Variants in NOS3 observed in about 807,000 individuals in gnomAD.
NOS3 encodes NOS type III.
NOS3 carries 98 observed loss-of-function variants against 144.9 expected under a neutral mutation model. The ratio of observed to expected loss-of-function variants is 0.68; its 90% CI spans 0.57 to 0.80. The LOEUF (loss-of-function observed/expected upper bound fraction) is 0.80. Ranked by LOEUF, NOS3 falls within the 30% of genes least tolerant of loss-of-function variation. The pLI, the probability that NOS3 is intolerant of heterozygous loss-of-function variation, is 0.00. For synonymous variants in NOS3, 714 were observed against 702.4 expected, an observed-to-expected ratio of 1.02 and a Z score of -0.26; for missense variants, 1,465 against 1,656.4, an observed-to-expected ratio of 0.88 and a Z score of 2.01.
chr7:151,005,849 G>A (rs928725010), intron 14 of NOS3, among the ~76,000 whole-genome samples: 6 of 152,172 alleles, frequency 3.9e-5, no homozygotes, highest in African/African-American at 1.2e-4. Context: ...ACAACACAGC[G>A]AGACTCCATC....
intron 21 of NOS3, 51 bp downstream of exon 21, chr7:151,010,338 G>A (rs777972879): frequency 3.5e-5 from 53 of 1,527,472 alleles, no homozygotes; most frequent in Non-Finnish European, 4.5e-5. Flanking sequence ...GGGATGAGCT[G>A]GGGGGACCCC....
Position 151,005,793 on chromosome 7 carries a change from C to A in NOS3, c.1753-634C>A, listed in dbSNP as rs530354445. 1.4e-3 allele frequency among the ~76,000 whole-genome samples: 216 copies of A among 152,322 alleles called. 1 individual carries two copies. The highest frequency in any genetic ancestry group is 2.0e-3 in the Non-Finnish European group (134 of 68,036). On this transcript the variant is annotated intron_variant, in intron 14 of 26. Coordinates refer to ENST00000297494, the MANE Select transcript of NOS3 (RefSeq NM_000603.5). ...AGACTGAGGTCATGTTTTGGAAAGTCCAGGCCGGAGGATCGCTTGAGCCCA... is the reference window on the plus strand; with the variant it reads ...AGACTGAGGTCATGTTTTGGAAAGTACAGGCCGGAGGATCGCTTGAGCCCA...
At chr7:151,012,246 TGAGA>T (rs2117137856) in intron 23 of NOS3, 101 bp from the exon 24 acceptor site, 4 of 983,630 alleles carry the variant, frequency 4.1e-6, no homozygotes, top group East Asian at 2.7e-5. Context: ...AATTTTTTTT[TGAGA>T]TGGGAAGAAC....
At chr7:151,007,839 TG>T (rs933827588) in intron 17 of NOS3, among the ~76,000 whole-genome samples, 1 of 152,090 alleles carries the variant, frequency 6.6e-6, no homozygotes, top group African/African-American at 2.4e-5. Flanking sequence ...GCTGCCTGTC[TG>T]GGGATCATGT....
At chr7:151,007,359 T>C in intron 17 of NOS3, 83 bp downstream of exon 17, 1 of 1,414,722 alleles carries the variant, frequency 7.1e-7, no homozygotes. Context: ...TCTGTTTGGT[T>C]CTTTGGTCCC....
In NOS3 at chr7:150,998,620, G is replaced by A. The variant is rs772502631; in HGVS notation, c.756G>A (p.Ala252=). The A allele has an allele frequency of 3.0e-5, 48 of 1,608,962 alleles. No individual in the cohort carries two copies. The highest frequency in any genetic ancestry group is 1.6e-4 in the Middle Eastern group (1 of 6,078). ...RIWNSQLVRY[A]GYRQQDGSVR... is the part of the protein sequence containing the mutation. Reference sequence around the variant, plus strand: ...GGAACAGCCAGCTGGTGCGCTACGCGGGCTACCGGCAGCAGGATGGCTCTG... The same window carrying A: ...GGAACAGCCAGCTGGTGCGCTACGCAGGCTACCGGCAGCAGGATGGCTCTG... The change falls in exon 7 of 27, where the codon GCG becomes GCA. Residue 252 remains alanine, a synonymous_variant. Transcript: ENST00000297494. The surrounding 1 kb of genome is among the most constrained non-coding windows in gnomAD (Gnocchi z 5.0).
chr7:151,000,025 G>T (rs569983057), intron 9 of NOS3, among the ~76,000 whole-genome samples: 1 of 145,624 alleles, frequency 6.9e-6, no homozygotes, highest in East Asian at 2.1e-4. Flanking sequence ...GAGAGTGTAG[G>T]TATGTGGGTG....
At chr7:150,991,954 CCATTG>C (rs980689500) in intron 1 of NOS3, among the ~76,000 whole-genome samples, 2 of 150,990 alleles carry the variant, frequency 1.3e-5, no homozygotes, top group Non-Finnish European at 2.9e-5. Flanking sequence ...TGAGATAGCA[CCATTG>C]CATTCCAGCC....
chr7:151,013,324 G>T lies in NOS3; in HGVS notation c.3200G>T (p.Arg1067Leu), dbSNP rs759024532. ...GACGAGGTGCAGAACGCCCAGCAGC[G>T]CGGGGTGTTTGGCCGAGTCCTCACC... ...YRDEVQNAQQ[R>L]GVFGRVLTAF... The change falls in exon 25 of 27, where the codon CGC becomes CTC. Residue 1067 changes from arginine to leucine, a missense_variant. Coordinates refer to ENST00000297494, the MANE Select transcript of NOS3 (RefSeq NM_000603.5). 2 of 1,614,032 alleles carry T rather than the reference G, an allele frequency of 1.2e-6. No individual in the cohort carries two copies. The highest frequency in any genetic ancestry group is 1.7e-6 in the Non-Finnish European group (2 of 1,180,020).
chr7:151,007,754 C>T (rs572321236), intron 17 of NOS3, among the ~76,000 whole-genome samples: 1 of 152,260 alleles, frequency 6.6e-6, no homozygotes, highest in Non-Finnish European at 1.5e-5. Flanking sequence ...GGTCCCGGGC[C>T]GGGCAAGCAA....
Position 150,998,230 on chromosome 7 carries a change from TG to T in NOS3, c.583-125del. ...AGGAAGGGATCAGTGTGGCTGCCAA[TG>T]GTCAGGAGGGCGCCATGGAGTGAAC... On this transcript the variant is annotated intron_variant, in intron 5 of 26. Transcript: ENST00000297494. This position sits in a 1 kb window ranked among gnomAD's most constrained non-coding sequence, Gnocchi z 5.0. 1 of 755,212 alleles carries T rather than the reference TG, an allele frequency of 1.3e-6. No individual in the cohort carries two copies. The highest frequency in any genetic ancestry group is 2.2e-6 in the Non-Finnish European group (1 of 460,004). 46.8% of individuals were successfully genotyped at this position (755,212 alleles called of 1,614,324 possible).
intron 15 of NOS3, among the ~76,000 whole-genome samples, 158 bp from the exon 16 acceptor site, chr7:151,006,731 C>T (rs1015268396): frequency 6.6e-6 from 1 of 152,216 alleles, no homozygotes; most frequent in Non-Finnish European, 1.5e-5. Context: ...GGGCCCCAGG[C>T]TCGGAACCCC....
intron 15 of NOS3, 111 bp from the exon 16 acceptor site, chr7:151,006,778 C>A: frequency 1.1e-6 from 1 of 892,400 alleles, no homozygotes. Context: ...AAGGGCAGGG[C>A]CTTTCCTGTC....
intron 3 of NOS3, among the ~76,000 whole-genome samples, chr7:150,995,553 C>A (rs1348355112): frequency 7.9e-6 from 1 of 127,054 alleles, no homozygotes; most frequent in Admixed American, 7.7e-5. Context: ...CACCCCTGCA[C>A]CCCTTTCCCC....
At chr7:150,992,732 C>G (rs751853767) in intron 1 of NOS3, among the ~76,000 whole-genome samples, 9 of 152,226 alleles carry the variant, frequency 5.9e-5, no homozygotes, top group Admixed American at 1.3e-4. Flanking sequence ...CTGCCTCTCC[C>G]AGTCTCTCAG....
intron 5 of NOS3, among the ~76,000 whole-genome samples, chr7:150,997,638 A>C (rs755752761): frequency 1.3e-5 from 2 of 152,206 alleles, no homozygotes; most frequent in African/African-American, 4.8e-5. Context: ...AAATAAAGCC[A>C]CGTGCCCAGT....
At position 151,003,537 on chromosome 7, in the gene NOS3, CT is replaced by C. The variant is rs989598709; in HGVS notation, c.1752+1241del. On this transcript the variant is annotated intron_variant, in intron 14 of 26. Transcript: ENST00000297494. This position sits in a 1 kb window ranked among gnomAD's most constrained non-coding sequence, Gnocchi z 4.1. The stretch of plus-strand genomic sequence containing the variant: ...CAAGAAAAATAGCACCAGCAATTGA[CT>C]TTTTTTTAGCATAAAGGTGTATAGA... The C allele has an allele frequency of 5.4e-5, 69 of 1,267,326 alleles. No individual in the cohort carries two copies. The highest frequency in any genetic ancestry group is 1.4e-4 in the South Asian group (11 of 76,052). 78.5% of individuals were successfully genotyped at this position (1,267,326 alleles called of 1,614,324 possible).
chr7:151,009,254 A>T lies in NOS3; in HGVS notation c.2311A>T (p.Ser771Cys), dbSNP rs1345924925. The T allele has an allele frequency of 6.2e-7, 1 of 1,613,340 alleles. No homozygotes were observed. Among genetic ancestry groups the T allele is most frequent in the Non-Finnish European group, 8.5e-7 (1 of 1,179,512 alleles). The change falls in exon 19 of 27, where the codon AGC becomes TGC. Residue 771 changes from serine to cysteine, a missense_variant. By Grantham distance (112) the Ser-to-Cys change is moderately radical (BLOSUM62 -1). Coordinates refer to ENST00000297494, the MANE Select transcript of NOS3 (RefSeq NM_000603.5). The part of the protein sequence containing the change: ...ATIRSVENLQ[S>C]SKSTRATILV... ...AATCCGCTCAGTGGAAAACCTGCAA[A>T]GCAGCAAGTCCACGTGAGGACGACG...
At position 151,003,415 on chromosome 7, in the gene NOS3, T is replaced by C. The variant is rs1443662985; in HGVS notation, c.1752+1111T>C. The C allele has an allele frequency of 1.6e-6, 2 of 1,223,242 alleles. No homozygotes were observed. The allele number at this position is 1,223,242 out of a possible 1,614,324, so 75.8% of individuals were successfully genotyped here. On this transcript the variant is annotated intron_variant, in intron 14 of 26. Coordinates refer to ENST00000297494, the MANE Select transcript of NOS3 (RefSeq NM_000603.5). This position sits in a 1 kb window ranked among gnomAD's most constrained non-coding sequence, Gnocchi z 4.1. ...TGCTGCGATTATAGACGTGAGCCACTGCACCTGGCCCTCAGTATCTTAAGC... is the reference window on the plus strand; with the variant it reads ...TGCTGCGATTATAGACGTGAGCCACCGCACCTGGCCCTCAGTATCTTAAGC...
Sources: gnomAD v4.1 joint callset for allele counts (sites outside exome capture counted in the v4.1 genomes callset) on GRCh38, gnomAD v4.1.1 for gene constraint, Gnocchi (gnomAD v3.1) non-coding constraint, MANE v1.5 for transcripts, NCBI Gene and HGNC (gene_info 2026-07-23, HGNC 2026-07-21) for gene names.